Variants in GDPD1 observed in about 807,000 individuals in gnomAD.
The protein encoded by GDPD1 is lysophospholipase D GDPD1.
GDPD1 carries 28 observed loss-of-function variants against 45.1 expected under a neutral mutation model. That is an observed-to-expected ratio of 0.62 (90% confidence interval 0.46 to 0.85). GDPD1 has a LOEUF of 0.85. Among genes scored for constraint, GDPD1 ranks in the 40% least tolerant of loss-of-function variants. The probability of loss-of-function intolerance (pLI) is 0.00; values close to 1 mark genes in which losing one functional copy is unlikely to be tolerated. For synonymous variants in GDPD1, 139 were observed against 131.4 expected (o/e 1.06, Z -0.40); for missense variants, 256 against 364.8 (o/e 0.70, Z 2.43).
intron 6 of GDPD1, among the ~76,000 whole-genome samples, chr17:59,261,657 G>A (rs2047356458): frequency 6.6e-6 from 1 of 151,696 alleles, no homozygotes; most frequent in African/African-American, 2.4e-5. Context: ...CATCATGCCT[G>A]GCAAATTTTT....
intron 2 of GDPD1, among the ~76,000 whole-genome samples, chr17:59,235,027 T>A (rs1299812817): frequency 6.6e-6 from 1 of 151,856 alleles, no homozygotes; most frequent in Non-Finnish European, 1.5e-5. Flanking sequence ...TATAATTTCA[T>A]ATAAGTGTCT....
chr17:59,221,314 C>G (rs1309115065), intron 1 of GDPD1, among the ~76,000 whole-genome samples: 1 of 151,880 alleles, frequency 6.6e-6, no homozygotes, highest in Non-Finnish European at 1.5e-5. Context: ...AGAGGGAAAC[C>G]GAGTCCCCCG....
At chr17:59,236,672 T>C (rs2047134325) in intron 2 of GDPD1, among the ~76,000 whole-genome samples, 1 of 152,104 alleles carries the variant, frequency 6.6e-6, no homozygotes, top group Non-Finnish European at 1.5e-5. Context: ...GTTTTTAGTT[T>C]TATCTATTTA....
chr17:59,263,068 A>C (rs573564617), intron 6 of GDPD1, among the ~76,000 whole-genome samples: 43 of 152,340 alleles, frequency 2.8e-4, no homozygotes, highest in African/African-American at 1.0e-3. Flanking sequence ...AATGAACAGT[A>C]AGGTACCAAT....
chr17:59,222,864 C>T (rs1407228762), intron 1 of GDPD1, among the ~76,000 whole-genome samples: 1 of 152,128 alleles, frequency 6.6e-6, no homozygotes, highest in African/African-American at 2.4e-5. Context: ...AGGCAGTACA[C>T]ATTACTTTTT....
intron 2 of GDPD1, among the ~76,000 whole-genome samples, chr17:59,242,261 C>G (rs1437977837): frequency 1.3e-5 from 2 of 152,178 alleles, no homozygotes; most frequent in East Asian, 3.9e-4. Flanking sequence ...CAGGGTTTTC[C>G]CATGTTGGCC....
At chr17:59,224,612 G>A (rs1181401463) in intron 1 of GDPD1, among the ~76,000 whole-genome samples, 5 of 142,572 alleles carry the variant, frequency 3.5e-5, no homozygotes, top group African/African-American at 1.3e-4. Context: ...GCGACAGGGC[G>A]AGACTCCATC....
chr17:59,255,464 G>A (rs1463479995), intron 4 of GDPD1, among the ~76,000 whole-genome samples: 3 of 150,662 alleles, frequency 2.0e-5, no homozygotes, highest in Non-Finnish European at 4.4e-5. Flanking sequence ...ACAATAGGCC[G>A]GGCACAGTGG....
intron 6 of GDPD1, among the ~76,000 whole-genome samples, chr17:59,258,589 A>G (rs2047328017): frequency 6.6e-6 from 1 of 152,090 alleles, no homozygotes; most frequent in Non-Finnish European, 1.5e-5. Context: ...CTTCATACAC[A>G]GGTAGATGGT....
At position 59,230,543 on chromosome 17, in the gene GDPD1, C is replaced by T. The variant is rs146221521; in HGVS notation, c.143-3949C>T. Reference sequence around the variant, plus strand: ...GATTACAGGCATGCGCCACCATGCCCGGCTAATTTTGTATTTTTATTAGAG... The same window carrying T: ...GATTACAGGCATGCGCCACCATGCCTGGCTAATTTTGTATTTTTATTAGAG... On this transcript the variant is annotated intron_variant, in intron 1 of 9. Coordinates refer to ENST00000284116, the MANE Select transcript of GDPD1 (RefSeq NM_182569.4). 5.6e-3 allele frequency among the ~76,000 whole-genome samples: 845 copies of T among 151,834 alleles called. 8 individuals are homozygous for T. The highest frequency in any genetic ancestry group is 9.7e-3 in the Non-Finnish European group (657 of 67,942).
chr17:59,261,150 G>T (rs1422655565), intron 6 of GDPD1, among the ~76,000 whole-genome samples: 1 of 152,158 alleles, frequency 6.6e-6, no homozygotes, highest in Non-Finnish European at 1.5e-5. Context: ...ATCTTTAGTA[G>T]AGATGGGGTT....
At chr17:59,248,392 AT>A (rs1390334776) in intron 3 of GDPD1, among the ~76,000 whole-genome samples, 2 of 152,046 alleles carry the variant, frequency 1.3e-5, no homozygotes, top group Non-Finnish European at 2.9e-5. Context: ...TTTAATTAAC[AT>A]TTCATTAATT....
At chr17:59,245,591 G>T in intron 3 of GDPD1, 42 bp downstream of exon 3, 1 of 1,501,156 alleles carries the variant, frequency 6.7e-7, no homozygotes, top group South Asian at 1.3e-5. Context: ...AATAGATGTC[G>T]CGGCCTATAA....
intron 6 of GDPD1, among the ~76,000 whole-genome samples, chr17:59,262,373 ACT>A (rs2047363437): frequency 6.6e-6 from 1 of 152,162 alleles, no homozygotes; most frequent in Non-Finnish European, 1.5e-5. Context: ...GACTGAACAA[ACT>A]CTGACATTTC....
In GDPD1 at chr17:59,234,554, A is replaced by G. The variant is rs769102530; in HGVS notation, c.185+20A>G. The G allele has an allele frequency of 1.4e-5, 22 of 1,557,572 alleles. No homozygotes were observed. Among genetic ancestry groups the G allele is most frequent in the Non-Finnish European group, 1.9e-5 (21 of 1,131,184 alleles). ...TCAGCAGTAAGTATGTAAAAAAGGT[A>G]AAAGGTACTCTTTTCTTTTACAGTT... is the stretch of plus-strand genomic sequence containing the variant. On this transcript the variant is annotated intron_variant, in intron 2 of 9. Coordinates refer to ENST00000284116, the MANE Select transcript of GDPD1 (RefSeq NM_182569.4).
intron 7 of GDPD1, 48 bp from the exon 8 acceptor site, chr17:59,270,888 T>C (rs761402637): frequency 1.8e-6 from 2 of 1,121,784 alleles, no homozygotes; most frequent in Non-Finnish European, 1.3e-6. Context: ...ATCACACTGA[T>C]ATATTTCTGT....
chr17:59,235,720 G>A (rs1344534480), intron 2 of GDPD1, among the ~76,000 whole-genome samples: 1 of 151,904 alleles, frequency 6.6e-6, no homozygotes, highest in East Asian at 1.9e-4. Context: ...GGGAGTCTGG[G>A]GCATGAGAAT....
intron 6 of GDPD1, among the ~76,000 whole-genome samples, chr17:59,265,280 A>AT: frequency 6.6e-6 from 1 of 152,016 alleles, no homozygotes; most frequent in Non-Finnish European, 1.5e-5. Flanking sequence ...CACGCTTGTC[A>AT]TTCCAGCACT....
chr17:59,269,653 A>G (rs565233016), intron 7 of GDPD1, among the ~76,000 whole-genome samples: 15 of 151,974 alleles, frequency 9.9e-5, no homozygotes, highest in African/African-American at 3.6e-4. Context: ...TGAAACTCCC[A>G]TCTCTACTAA....
Sources: gnomAD v4.1 joint callset for allele counts (sites outside exome capture counted in the v4.1 genomes callset) on GRCh38, gnomAD v4.1.1 for gene constraint, MANE v1.5 for transcripts, NCBI Gene and HGNC (gene_info 2026-07-23, HGNC 2026-07-21) for gene names.